Variants in LRP1B observed in about 807,000 individuals in gnomAD.
The protein encoded by LRP1B is LDL receptor related protein 1B, also known as low-density lipoprotein receptor-related protein 1B.
Under a neutral mutation model 556.6 loss-of-function variants are expected in LRP1B, and 217 were observed. The ratio of observed to expected loss-of-function variants is 0.39; its 90% CI spans 0.35 to 0.44. LRP1B has a LOEUF of 0.44. LRP1B is among the 20% of genes least tolerant of loss of function. The pLI, the probability that LRP1B is intolerant of heterozygous loss-of-function variation, is 1.00. For missense variants in LRP1B, 5,053 were observed against 5,620.8 expected, an observed-to-expected ratio of 0.90 and a Z score of 3.23; for synonymous variants, 2,047 against 1,865.8, an observed-to-expected ratio of 1.10 and a Z score of -2.50.
chr2:140,744,818 CCCAG>C (rs1553521254), intron 35 of LRP1B, among the ~76,000 whole-genome samples: 3 of 152,080 alleles, frequency 2.0e-5, no homozygotes, highest in Non-Finnish European at 1.5e-5. Context: ...TTGTTTGTTA[CCCAG>C]CTTTTCCTCT....
intron 37 of LRP1B, among the ~76,000 whole-genome samples, chr2:140,706,828 C>CTT (rs5834767): frequency 0.61 from 92,494 of 150,498 alleles, 29,072 homozygotes; most frequent in Middle Eastern, 0.72. Context: ...TCAGGAAAAA[C>CTT]TTTTTTTTTT....
chr2:140,933,034 A>G (rs1013539634), intron 20 of LRP1B, among the ~76,000 whole-genome samples: 6 of 145,386 alleles, frequency 4.1e-5, no homozygotes, highest in Non-Finnish European at 9.3e-5. Context: ...GTATTAATTT[A>G]TATGGATGCT....
intron 16 of LRP1B, chr2:140,992,630 T>C (rs1015241160): frequency 4.6e-5 from 7 of 152,146 alleles, no homozygotes; most frequent in African/African-American, 1.7e-4. Flanking sequence ...TCCTTCTTTT[T>C]AATTATTGCA....
At chr2:140,550,594 C>A (rs909568301) in intron 43 of LRP1B, among the ~76,000 whole-genome samples, 2 of 152,130 alleles carry the variant, frequency 1.3e-5, no homozygotes, top group African/African-American at 4.8e-5. Context: ...ATTTTCACAT[C>A]ACTGTCAGTC....
chr2:140,453,601 T>A (rs1465754565), intron 62 of LRP1B, among the ~76,000 whole-genome samples: 1 of 152,104 alleles, frequency 6.6e-6, no homozygotes, highest in Non-Finnish European at 1.5e-5. Flanking sequence ...TGGTAAAGTT[T>A]AGTTGAAACA....
intron 2 of LRP1B, among the ~76,000 whole-genome samples, chr2:141,734,761 C>T (rs1003595460): frequency 1.3e-5 from 2 of 151,948 alleles, no homozygotes; most frequent in Non-Finnish European, 2.9e-5. Context: ...GGTGAATGGG[C>T]CTTAGAATTG....
chr2:141,537,601 T>A (rs1685112088), intron 2 of LRP1B, among the ~76,000 whole-genome samples: 1 of 152,170 alleles, frequency 6.6e-6, no homozygotes, highest in South Asian at 2.1e-4. Context: ...AATTTCTATT[T>A]CCTCAATTGT....
Position 141,788,097 on chromosome 2 carries a change from C to T in LRP1B, c.205+22182G>A, listed in dbSNP as rs145275024. On this transcript the variant is annotated intron_variant, in intron 2 of 90. Transcript: ENST00000389484. Reference sequence around the variant, plus strand: ...TAGAAGTAAGCTTTCCTTAGACAAACACTCTTCAGTATAACACATCTGCCT... The same window carrying T: ...TAGAAGTAAGCTTTCCTTAGACAAATACTCTTCAGTATAACACATCTGCCT... Among the ~76,000 whole-genome samples, 337 of 152,104 alleles carry T rather than the reference C, an allele frequency of 2.2e-3. 5 individuals are homozygous for T. The highest frequency in any genetic ancestry group is 7.9e-3 in the African/African-American group (328 of 41,526).
rs369391920 is a variant in LRP1B, at chr2:140,291,318, A to ATATTTTTTTT, written c.12967+6489_12967+6490insAAAAAAAATA. Among the ~76,000 whole-genome samples, 466 of 109,318 alleles carry ATATTTTTTTT rather than the reference A, an allele frequency of 4.3e-3. 8 individuals carry two copies. Among genetic ancestry groups the ATATTTTTTTT allele is most frequent in the Middle Eastern group, 0.011 (2 of 188 alleles). 71.7% of individuals were successfully genotyped at this position (109,318 alleles called of 152,430 possible). Reference sequence around the variant, plus strand: ...TTATTTTATATATATATATATATATATTTTTATTATACTTTAAGTTCTAGG... The same window carrying ATATTTTTTTT: ...TTATTTTATATATATATATATATATATATTTTTTTTTTTTTATTATACTTTAAGTTCTAGG... On this transcript the variant is annotated intron_variant, in intron 84 of 90. Coordinates refer to ENST00000389484, the MANE Select transcript of LRP1B (RefSeq NM_018557.3).
At chr2:141,212,228 T>C (rs1422104262) in intron 6 of LRP1B, among the ~76,000 whole-genome samples, 1 of 134,748 alleles carries the variant, frequency 7.4e-6, no homozygotes. Context: ...TCCCCCAAGA[T>C]ATATTGATCA....
intron 3 of LRP1B, among the ~76,000 whole-genome samples, chr2:141,403,311 T>C (rs1390575229): frequency 6.6e-6 from 1 of 152,064 alleles, no homozygotes; most frequent in Non-Finnish European, 1.5e-5. Context: ...TACGTTTTAA[T>C]AGGAACATCT....
intron 41 of LRP1B, among the ~76,000 whole-genome samples, chr2:140,620,891 T>C (rs187627481): frequency 1.3e-5 from 2 of 152,204 alleles, no homozygotes; most frequent in African/African-American, 2.4e-5. Flanking sequence ...GAAGTTAACA[T>C]AAAAAATAAG....
chr2:140,954,392 A>T (rs1695812718), intron 18 of LRP1B, among the ~76,000 whole-genome samples: 1 of 152,238 alleles, frequency 6.6e-6, no homozygotes, highest in African/African-American at 2.4e-5. Flanking sequence ...TAAAAATAAC[A>T]TTACATCTTT....
At chr2:140,638,616 T>G (rs1313862765) in intron 41 of LRP1B, among the ~76,000 whole-genome samples, 4 of 152,186 alleles carry the variant, frequency 2.6e-5, no homozygotes, top group Admixed American at 1.3e-4. Flanking sequence ...TGAATCGAAG[T>G]AACTTATTGT....
chr2:140,893,408 C>T (rs925190837), intron 23 of LRP1B, among the ~76,000 whole-genome samples: 3 of 152,152 alleles, frequency 2.0e-5, no homozygotes, highest in African/African-American at 7.2e-5. Flanking sequence ...TGTGTGGGCT[C>T]ACAGCACAGA....
chr2:140,815,020 G>A (rs1485358689), intron 31 of LRP1B, among the ~76,000 whole-genome samples: 4 of 151,958 alleles, frequency 2.6e-5, no homozygotes. Flanking sequence ...TTGACCTTCT[G>A]TGATCCATAA....
rs748691654 is a variant in LRP1B, at chr2:141,270,699, T to C, written c.344-16058A>G. 2.4e-4 allele frequency among the ~76,000 whole-genome samples: 37 copies of C among 152,036 alleles called. 1 individual carries two copies. Among genetic ancestry groups the C allele is most frequent in the Admixed American group, 1.3e-4 (2 of 15,258 alleles). Reference sequence around the variant, plus strand: ...TAAGCTGTCCACAGAAGAACACATATTGTATGATTCTATTTATATGAGTTA... The same window carrying C: ...TAAGCTGTCCACAGAAGAACACATACTGTATGATTCTATTTATATGAGTTA... On this transcript the variant is annotated intron_variant, in intron 3 of 90. Coordinates refer to ENST00000389484, the MANE Select transcript of LRP1B (RefSeq NM_018557.3).
At chr2:140,542,733 G>A (rs1044104657) in intron 43 of LRP1B, among the ~76,000 whole-genome samples, 6 of 152,082 alleles carry the variant, frequency 3.9e-5, no homozygotes, top group African/African-American at 1.2e-4. Context: ...TAAAAGTTAC[G>A]GGAAGTGAAA....
intron 1 of LRP1B, among the ~76,000 whole-genome samples, chr2:142,118,248 G>T (rs757215845): frequency 5.3e-5 from 8 of 152,232 alleles, no homozygotes; most frequent in Non-Finnish European, 8.8e-5. Flanking sequence ...TCGTGATGGA[G>T]CCATTACTGT....
Sources: gnomAD v4.1 joint callset for allele counts (sites outside exome capture counted in the v4.1 genomes callset) on GRCh38, gnomAD v4.1.1 for gene constraint, MANE v1.5 for transcripts, NCBI Gene and HGNC (gene_info 2026-07-23, HGNC 2026-07-21) for gene names.